UTRN: variants seen among roughly 807,000 people sequenced by gnomAD.
The protein encoded by UTRN is utrophin.
In UTRN, 283 loss-of-function variants were observed where a neutral mutation model predicts 463.9. The observed-to-expected ratio is 0.61, with a 90% confidence interval of 0.55 to 0.67. The LOEUF is 0.67. UTRN is among the 30% of genes least tolerant of loss of function. UTRN has a pLI of 0.00. For synonymous variants in UTRN, 1,442 were observed against 1,431.5 expected (o/e 1.01, Z -0.17); for missense variants, 3,922 against 4,084.3 (o/e 0.96, Z 1.08).
chr6:144,595,764 T>G (rs1803580535), intron 51 of UTRN, among the ~76,000 whole-genome samples: 1 of 152,244 alleles, frequency 6.6e-6, no homozygotes, highest in African/African-American at 2.4e-5. Flanking sequence ...AAGATCTTTC[T>G]TGAATTTCAA....
At position 144,356,248 on chromosome 6, in the gene UTRN, A is replaced by G. The variant is rs143688939; in HGVS notation, c.80-46875A>G. Among the ~76,000 whole-genome samples, 23 of 152,360 alleles carry G rather than the reference A, an allele frequency of 1.5e-4. No homozygotes were observed. The South Asian group carries it at 3.7e-3, about 25-fold the overall frequency. ...GGCAGAGGTGCTATTCAAAATATTT[A>G]ACAGGTTGGCATAGGCCTCAACCAC... On this transcript the variant is annotated intron_variant, in intron 2 of 74. Transcript: ENST00000367545.
chr6:144,833,964 T>C (rs770459970), intron 69 of UTRN, among the ~76,000 whole-genome samples: 1 of 152,206 alleles, frequency 6.6e-6, no homozygotes, highest in Non-Finnish European at 1.5e-5. Flanking sequence ...AATGCTGCTC[T>C]CTGCAGTGGT....
chr6:144,317,062 T>G (rs1264179498), intron 2 of UTRN, among the ~76,000 whole-genome samples: 1 of 152,220 alleles, frequency 6.6e-6, no homozygotes, highest in Non-Finnish European at 1.5e-5. Flanking sequence ...AAGTGTCATA[T>G]TAGACAAAGC....
chr6:144,351,774 C>A (rs1483363127), intron 2 of UTRN, among the ~76,000 whole-genome samples: 1 of 152,120 alleles, frequency 6.6e-6, no homozygotes, highest in Non-Finnish European at 1.5e-5. Flanking sequence ...AGTTGAATGC[C>A]GCTGATCCAA....
chr6:144,622,480 C>T (rs1428272841), intron 51 of UTRN, among the ~76,000 whole-genome samples: 1 of 151,918 alleles, frequency 6.6e-6, no homozygotes, highest in Non-Finnish European at 1.5e-5. Context: ...AGCCACTGTG[C>T]CAGGCTGGAT....
At chr6:144,765,605 C>A (rs1223834929) in intron 58 of UTRN, among the ~76,000 whole-genome samples, 1 of 152,108 alleles carries the variant, frequency 6.6e-6, no homozygotes, top group Non-Finnish European at 1.5e-5. Context: ...GAGATGGAGT[C>A]TTGCTATGTT....
At chr6:144,381,515 A>T (rs1780921810) in intron 2 of UTRN, among the ~76,000 whole-genome samples, 1 of 152,192 alleles carries the variant, frequency 6.6e-6, no homozygotes, top group South Asian at 2.1e-4. Flanking sequence ...GTATACCCTG[A>T]TATGGCTTGT....
At chr6:144,383,830 A>G (rs1272501303) in intron 2 of UTRN, among the ~76,000 whole-genome samples, 2 of 152,216 alleles carry the variant, frequency 1.3e-5, no homozygotes, top group Non-Finnish European at 2.9e-5. Context: ...AGTGAAAACA[A>G]TTCTGATTCT....
rs1192929855 is a variant in UTRN, at chr6:144,479,929, G to A, written c.3454G>A (p.Asp1152Asn). The change falls in exon 26 of 75, where the codon GAT (aspartate) becomes AAT (asparagine). Residue 1152 changes from aspartate (D) to asparagine (N), a missense_variant. Physicochemically the swap from Asp to Asn is conservative, Grantham distance 23. Around this residue, in one of 3 missense-constraint regions of UTRN, gnomAD observed 2,349 missense variants for 2,303.8 expected, o/e 1.02. Transcript: ENST00000367545. ...GGCCGAGGAAGAATATTTGGAGCGGGATTTTGAGTACAAGTCACCAGAAGA... is the reference window on the plus strand; with the variant it reads ...GGCCGAGGAAGAATATTTGGAGCGGAATTTTGAGTACAAGTCACCAGAAGA... The part of the protein sequence containing the change: ...TQAEEEYLER[D>N]FEYKSPEELE... 4 of 1,614,080 alleles carry A rather than the reference G, an allele frequency of 2.5e-6. No individual in the cohort carries two copies. Among genetic ancestry groups the A allele is most frequent in the East Asian group, 4.5e-5 (2 of 44,902 alleles).
At chr6:144,543,046 G>T (rs890919016) in intron 46 of UTRN, among the ~76,000 whole-genome samples, 176 bp downstream of exon 46, 1 of 152,216 alleles carries the variant, frequency 6.6e-6, no homozygotes, top group African/African-American at 2.4e-5. Context: ...ACATTTGGCT[G>T]CCCAGTGTGG....
At chr6:144,761,901 A>G (rs933169626) in intron 58 of UTRN, among the ~76,000 whole-genome samples, 1 of 152,162 alleles carries the variant, frequency 6.6e-6, no homozygotes, top group Admixed American at 6.5e-5. Context: ...TTAACCATGT[A>G]AAATTCACCA....
chr6:144,470,315 T>C (rs1480351245), intron 23 of UTRN, among the ~76,000 whole-genome samples: 3 of 146,438 alleles, frequency 2.0e-5, no homozygotes, highest in African/African-American at 7.7e-5. Context: ...ACGGGGCGGC[T>C]GCCGGGCGGA....
At chr6:144,660,940 T>G (rs1779808731) in intron 51 of UTRN, among the ~76,000 whole-genome samples, 1 of 152,254 alleles carries the variant, frequency 6.6e-6, no homozygotes, top group South Asian at 2.1e-4. Flanking sequence ...TGCCAAATAC[T>G]ACCTTACATT....
intron 3 of UTRN, among the ~76,000 whole-genome samples, chr6:144,415,958 C>G (rs1784324725): frequency 6.6e-6 from 1 of 151,980 alleles, no homozygotes; most frequent in Non-Finnish European, 1.5e-5. Context: ...AGGAATGACT[C>G]CTTTGTTTTT....
chr6:144,809,745 C>A (rs970893112), intron 65 of UTRN, among the ~76,000 whole-genome samples: 88 of 152,050 alleles, frequency 5.8e-4, no homozygotes, highest in African/African-American at 1.9e-3. Context: ...AGATGATAGC[C>A]CTGTCTGGCG....
At chr6:144,291,490 T>C (rs190896272) in intron 1 of UTRN, among the ~76,000 whole-genome samples, 10 of 152,358 alleles carry the variant, frequency 6.6e-5, no homozygotes, top group Admixed American at 1.3e-4. Context: ...TTCTCCTTTG[T>C]ATGATTTGTA....
chr6:144,499,400 C>T lies in UTRN; in HGVS notation c.4737C>T (p.Asp1579=). The T allele has an allele frequency of 1.2e-6, 2 of 1,608,478 alleles. No homozygotes were observed. Among genetic ancestry groups the T allele is most frequent in the South Asian group, 2.2e-5 (2 of 90,414 alleles). ...QKSTSEGLLG[D]LDTEISWAKN... ...CCACTTCAGAAGGTCTGCTTGGTGACTTGGATACAGAAATTTCCTGGGCTA... is the reference window on the plus strand; with the variant it reads ...CCACTTCAGAAGGTCTGCTTGGTGATTTGGATACAGAAATTTCCTGGGCTA... The change falls in exon 34 of 75, where the codon GAC becomes GAT. Residue 1579 remains aspartate, a synonymous_variant. Coordinates refer to ENST00000367545, the MANE Select transcript of UTRN (RefSeq NM_007124.3).
chr6:144,299,869 A>G (rs1320354455), intron 2 of UTRN, among the ~76,000 whole-genome samples: 2 of 152,138 alleles, frequency 1.3e-5, no homozygotes, highest in Non-Finnish European at 2.9e-5. Context: ...TTATATATGT[A>G]TTAATATTTG....
chr6:144,432,184 C>A (rs1474719412), intron 9 of UTRN, among the ~76,000 whole-genome samples: 1 of 152,096 alleles, frequency 6.6e-6, no homozygotes, highest in African/African-American at 2.4e-5. Flanking sequence ...TGCTACTCTG[C>A]CCTGCAGTTA....
Sources: allele counts gnomAD v4.1 joint callset (sites outside exome capture counted in the v4.1 genomes callset), GRCh38; gene constraint gnomAD v4.1.1; regional missense constraint gnomAD v4.1.1; transcripts MANE v1.5; gene names NCBI Gene and HGNC (gene_info 2026-07-23, HGNC 2026-07-21).